CFAP54: variants seen among roughly 807,000 people sequenced by gnomAD.
CFAP54 encodes cilia- and flagella-associated protein 54.
In CFAP54, 290 loss-of-function variants were observed where a neutral mutation model predicts 370.4. The observed-to-expected ratio is 0.78, with a 90% CI of 0.71 to 0.86. The LOEUF (loss-of-function observed/expected upper bound fraction) is 0.86, where lower values mean the gene tolerates loss of function less well. Ranked by LOEUF, CFAP54 falls within the 40% of genes least tolerant of loss-of-function variation. The pLI, the probability that CFAP54 is intolerant of heterozygous loss-of-function variation, is 0.00. For synonymous variants in CFAP54, 1,206 were observed against 1,236.5 expected, an observed-to-expected ratio of 0.98 and a Z score of 0.52; for missense variants, 3,399 against 3,528.7, an observed-to-expected ratio of 0.96 and a Z score of 0.93.
intron 17 of CFAP54, among the ~76,000 whole-genome samples, chr12:96,564,123 G>C (rs920912103): frequency 1.3e-5 from 2 of 152,120 alleles, no homozygotes; most frequent in African/African-American, 4.8e-5. Flanking sequence ...CAGCTTATTG[G>C]TATTGGTATC....
chr12:96,662,663 A>T (rs902819023), intron 38 of CFAP54, among the ~76,000 whole-genome samples: 3 of 152,086 alleles, frequency 2.0e-5, no homozygotes, highest in African/African-American at 7.2e-5. Context: ...TATATAACAT[A>T]TCCCCCTGAT....
intron 20 of CFAP54, among the ~76,000 whole-genome samples, chr12:96,578,507 G>T (rs919199231): frequency 3.3e-5 from 5 of 152,118 alleles, no homozygotes; most frequent in Admixed American, 6.5e-5. Flanking sequence ...AAATATTTGG[G>T]TTTCTTTAAC....
At chr12:96,576,818 C>A in intron 20 of CFAP54, 57 bp downstream of exon 20, 1 of 1,347,186 alleles carries the variant, frequency 7.4e-7, no homozygotes. Flanking sequence ...ACTTTTATAA[C>A]TACCATGATT....
chr12:96,500,233 G>A (rs1399181934), intron 1 of CFAP54, among the ~76,000 whole-genome samples: 1 of 152,160 alleles, frequency 6.6e-6, no homozygotes, highest in African/African-American at 2.4e-5. Context: ...TTCCAACTAT[G>A]ACATTTTGGA....
At chr12:96,789,408 C>A (rs1301395485) in intron 62 of CFAP54, among the ~76,000 whole-genome samples, 2 of 152,196 alleles carry the variant, frequency 1.3e-5, no homozygotes, top group Non-Finnish European at 2.9e-5. Context: ...GATTCAGATT[C>A]ACCCCTCCTG....
chr12:96,512,915 C>G, intron 4 of CFAP54, 71 bp from the exon 5 acceptor site: 1 of 1,027,266 alleles, frequency 9.7e-7, no homozygotes, highest in Non-Finnish European at 1.4e-6. Flanking sequence ...AGACTTGAAC[C>G]ACAGAAATTG....
intron 32 of CFAP54, among the ~76,000 whole-genome samples, chr12:96,643,605 T>A (rs1956757946): frequency 6.6e-6 from 1 of 152,222 alleles, no homozygotes; most frequent in African/African-American, 2.4e-5. Context: ...AGGGATGATT[T>A]TAAAAAATTG....
At chr12:96,652,833 G>C (rs1956876975) in intron 36 of CFAP54, among the ~76,000 whole-genome samples, 1 of 152,152 alleles carries the variant, frequency 6.6e-6, no homozygotes, top group African/African-American at 2.4e-5. Flanking sequence ...CGATAAAAAA[G>C]CCGATGAGTC....
intron 26 of CFAP54, among the ~76,000 whole-genome samples, chr12:96,602,405 T>C (rs936207618): frequency 1.3e-5 from 2 of 152,330 alleles, no homozygotes; most frequent in Admixed American, 6.5e-5. Flanking sequence ...ATAAGTGCGA[T>C]GTGGTGCCAA....
chr12:96,562,908 A>C (rs577691857), intron 17 of CFAP54, among the ~76,000 whole-genome samples: 1 of 152,210 alleles, frequency 6.6e-6, no homozygotes, highest in Non-Finnish European at 1.5e-5. Context: ...ATCATGTATA[A>C]ATTGAAAATT....
chr12:96,758,033 A>G (rs947086628), intron 58 of CFAP54, among the ~76,000 whole-genome samples: 9 of 152,188 alleles, frequency 5.9e-5, no homozygotes, highest in African/African-American at 1.7e-4. Context: ...TCATTCATAC[A>G]TTCATCACGT....
intron 60 of CFAP54, among the ~76,000 whole-genome samples, chr12:96,782,868 C>A (rs1364601420): frequency 1.3e-5 from 2 of 152,098 alleles, no homozygotes; most frequent in African/African-American, 4.8e-5. Context: ...TTATAGCAGC[C>A]TTGTTCATAA....
At chr12:96,568,881 A>G (rs1314238304) in intron 19 of CFAP54, among the ~76,000 whole-genome samples, 1 of 150,566 alleles carries the variant, frequency 6.6e-6, no homozygotes, top group Non-Finnish European at 1.5e-5. Flanking sequence ...ATAATAACTC[A>G]TTAGCTTCCA....
intron 60 of CFAP54, among the ~76,000 whole-genome samples, chr12:96,766,924 G>A (rs971520): frequency 0.36 from 55,275 of 151,990 alleles, 10,808 homozygotes; most frequent in East Asian, 0.58. Flanking sequence ...GCTTCAGGCT[G>A]TAGGTCGGGT....
intron 65 of CFAP54, among the ~76,000 whole-genome samples, chr12:96,826,646 A>G (rs1959110278): frequency 9.2e-6 from 1 of 108,806 alleles, no homozygotes; most frequent in Non-Finnish European, 1.7e-5. Context: ...AATATAGTAT[A>G]TATTAAATAT....
chr12:96,572,997 A>AT (rs35893707), intron 19 of CFAP54: 1 of 985,304 alleles, frequency 1.0e-6, no homozygotes. Flanking sequence ...ACCAAGGCAA[A>AT]TTTTGAGATC....
intron 14 of CFAP54, 43 bp from the exon 15 acceptor site, chr12:96,547,859 C>T (rs1280034480): frequency 3.0e-6 from 3 of 1,005,732 alleles, no homozygotes; most frequent in Non-Finnish European, 4.3e-6. Context: ...CTTCTCCCTT[C>T]CCCTCCATCC....
At chr12:96,840,618 G>C (rs55844046) in intron 66 of CFAP54, among the ~76,000 whole-genome samples, 34,490 of 114,552 alleles carry the variant, frequency 0.3, 4,319 homozygotes, top group South Asian at 0.54. Context: ...TCTTTTCTCT[G>C]TTTCTTTCTT....
chr12:96,551,986 C>T (rs990351678), intron 15 of CFAP54, among the ~76,000 whole-genome samples: 53 of 152,250 alleles, frequency 3.5e-4, no homozygotes, highest in African/African-American at 1.2e-3. Flanking sequence ...GTGGCTCATG[C>T]CTGTAATCCC....
Sources: gnomAD v4.1 joint callset for allele counts (sites outside exome capture counted in the v4.1 genomes callset) on GRCh38, gnomAD v4.1.1 for gene constraint, MANE v1.5 for transcripts, NCBI Gene and HGNC (gene_info 2026-07-23, HGNC 2026-07-21) for gene names.